The following ZNF516 variants were observed in gnomAD, a reference collection of about 807,000 sequenced individuals.
ZNF516 encodes zinc finger protein 516.
A neutral mutation model predicts 79.7 loss-of-function variants in ZNF516; 19 were observed. The ratio of observed to expected loss-of-function variants is 0.24; its 90% confidence interval spans 0.17 to 0.35. The LOEUF (loss-of-function observed/expected upper bound fraction) is 0.35, where lower values mean the gene tolerates loss of function less well. ZNF516 is among the 10% of genes least tolerant of loss of function. The probability of loss-of-function intolerance (pLI) is 1.00; values close to 1 mark genes in which losing one functional copy is unlikely to be tolerated. For missense variants in ZNF516, 1,678 were observed against 1,679.5 expected (o/e 1.00, Z 0.02); for synonymous variants, 877 against 739.5 (o/e 1.19, Z -3.02).
chr18:76,417,846 T>C (rs1250602622), intron 3 of ZNF516, among the ~76,000 whole-genome samples: 2 of 152,234 alleles, frequency 1.3e-5, no homozygotes, highest in Non-Finnish European at 2.9e-5. Flanking sequence ...AAAAATGATA[T>C]TTAAATATAC....
chr18:76,495,840 A>T (rs187164425), upstream of ZNF516: 2 of 824,546 alleles, frequency 2.4e-6, no homozygotes, highest in Admixed American at 5.2e-5. Flanking sequence ...ACTTCCTGGT[A>T]AATGCCTCTG....
chr18:76,457,136 A>C (rs1229090597), intron 2 of ZNF516, among the ~76,000 whole-genome samples: 2 of 152,246 alleles, frequency 1.3e-5, no homozygotes, highest in Non-Finnish European at 2.9e-5. Flanking sequence ...GTGTGTAGGT[A>C]TATGTTTATT....
At chr18:76,391,817 G>A (rs2075077789) in intron 3 of ZNF516, among the ~76,000 whole-genome samples, 1 of 152,226 alleles carries the variant, frequency 6.6e-6, no homozygotes, top group Non-Finnish European at 1.5e-5. Context: ...CTCATTGTGT[G>A]CTTTGGGGAT....
chr18:76,484,749 CTTTCTT>C (rs1568330709), intron 1 of ZNF516, among the ~76,000 whole-genome samples: 1 of 152,204 alleles, frequency 6.6e-6, no homozygotes, highest in African/African-American at 2.4e-5. Flanking sequence ...ACTGTAATAA[CTTTCTT>C]TTTAATCAAT....
rs138312763 is a variant in ZNF516 at position 76,391,408 on chromosome 18, G to A, written c.1811-11105C>T. Among the ~76,000 whole-genome samples the A allele has an allele frequency of 4.7e-3, 720 of 151,888 alleles. 6 individuals carry two copies. The highest frequency in any genetic ancestry group is 0.015 in the African/African-American group (637 of 41,394). On this transcript the variant is annotated intron_variant, in intron 3 of 6. Coordinates refer to ENST00000443185, the MANE Select transcript of ZNF516 (RefSeq NM_014643.4). ...ACCAACCATAACCCTAAACCTAACC[G>A]CTAACCATAACCACTAACTCTAACA...
At chr18:76,481,459 T>C (rs1286914744) in intron 1 of ZNF516, among the ~76,000 whole-genome samples, 1 of 152,170 alleles carries the variant, frequency 6.6e-6, no homozygotes, top group African/African-American at 2.4e-5. Context: ...TAATCCCAAA[T>C]GGCTCGGACC....
At chr18:76,384,648 G>T (rs1449204087) in intron 3 of ZNF516, among the ~76,000 whole-genome samples, 1 of 148,978 alleles carries the variant, frequency 6.7e-6, no homozygotes, top group Non-Finnish European at 1.5e-5. Context: ...GGCTTTTGAT[G>T]TTTCGGTGGC....
intron 3 of ZNF516, among the ~76,000 whole-genome samples, chr18:76,433,544 C>T (rs766921822): frequency 1.4e-4 from 21 of 152,194 alleles, no homozygotes; most frequent in Non-Finnish European, 2.9e-4. Context: ...CGCGGCTGCA[C>T]GCTCAGGCCT....
intron 1 of ZNF516, among the ~76,000 whole-genome samples, chr18:76,488,480 T>C (rs1004404614): frequency 7.6e-6 from 1 of 131,262 alleles, no homozygotes; most frequent in Non-Finnish European, 1.5e-5. Context: ...CTACGTTCAG[T>C]AGATAGACAA....
In ZNF516 at chr18:76,370,540, G is replaced by A. The variant is rs765139955; in HGVS notation, c.3420C>T (p.Asp1140=). The change falls in exon 6 of 7, where the codon GAC becomes GAT. Residue 1140 remains aspartate (D), a synonymous_variant. Coordinates refer to ENST00000443185, the MANE Select transcript of ZNF516 (RefSeq NM_014643.4). ...TCATGAGACCTACTTGTTTGGGGGCGTCTGCGGAGGTGGTATGAACTTCAG... is the reference window on the plus strand; with the variant it reads ...TCATGAGACCTACTTGTTTGGGGGCATCTGCGGAGGTGGTATGAACTTCAG... ...RGSEVHTTSA[D]APKQGRDHSN... is the part of the protein sequence containing the mutation. The A allele has an allele frequency of 6.7e-5, 107 of 1,607,132 alleles. No homozygotes were observed. Among genetic ancestry groups the A allele is most frequent in the Middle Eastern group, 3.3e-4 (2 of 6,060 alleles).
At chr18:76,378,694 C>T (rs1200948738) in intron 4 of ZNF516, among the ~76,000 whole-genome samples, 161 bp downstream of exon 4, 1 of 152,212 alleles carries the variant, frequency 6.6e-6, no homozygotes, top group African/African-American at 2.4e-5. Context: ...CTGTGCTCCT[C>T]GGCCAGGGCA....
intron 3 of ZNF516, among the ~76,000 whole-genome samples, chr18:76,381,801 C>T (rs2074896952): frequency 6.6e-6 from 1 of 152,188 alleles, no homozygotes; most frequent in South Asian, 2.1e-4. Context: ...GAAGAAAAAA[C>T]TATCCAACTC....
intron 1 of ZNF516, among the ~76,000 whole-genome samples, chr18:76,476,541 T>C (rs1914184690): frequency 6.6e-6 from 1 of 152,206 alleles, no homozygotes; most frequent in Non-Finnish European, 1.5e-5. Context: ...CTGGAATTCC[T>C]CTCATTTAAA....
chr18:76,451,129 G>A lies in ZNF516; in HGVS notation c.-157-7918C>T, dbSNP rs911875647. ...CACCAAGTCCCCACAAGCAGCATGT[G>A]TCAGGGGAGGGAAGCAAAGCTGAAG... On this transcript the variant is annotated intron_variant, in intron 2 of 6. Coordinates refer to ENST00000443185, the MANE Select transcript of ZNF516 (RefSeq NM_014643.4). This position sits in a 1 kb window ranked among gnomAD's most constrained non-coding sequence, Gnocchi z 6.0. 6.6e-6 allele frequency among the ~76,000 whole-genome samples: 1 copy of A among 152,204 alleles called. No homozygotes were observed.
chr18:76,369,097 C>A (rs559567358), intron 6 of ZNF516, among the ~76,000 whole-genome samples: 3 of 152,184 alleles, frequency 2.0e-5, no homozygotes, highest in African/African-American at 7.2e-5. Context: ...TTCTCAATTA[C>A]GGCATGACCT....
At chr18:76,375,310 A>T (rs2074768778) in intron 4 of ZNF516, among the ~76,000 whole-genome samples, 1 of 151,890 alleles carries the variant, frequency 6.6e-6, no homozygotes, top group African/African-American at 2.4e-5. Flanking sequence ...CCAGGTAGAG[A>T]GTGGACAGGG....
In ZNF516 at chr18:76,442,513, C is replaced by T. The variant is rs1239087858; in HGVS notation, c.542G>A (p.Ser181Asn). 4 of 1,601,228 alleles carry T rather than the reference C, an allele frequency of 2.5e-6. No individual in the cohort carries two copies. Among genetic ancestry groups the T allele is most frequent in the African/African-American group, 2.7e-5 (2 of 74,924 alleles). ...KAAVQCSFCKSQFERKKDLEL... is the reference protein window; with the variant it reads ...KAAVQCSFCKNQFERKKDLEL... ...CAGGTCCTTCTTACGCTCGAACTGG[C>T]TCTTGCAGAAGGAGCACTGGACCGC... is the stretch of plus-strand genomic sequence containing the variant. The change falls in exon 3 of 7, where the codon AGC becomes AAC. Residue 181 changes from serine to asparagine, a missense_variant. By Grantham distance (46) the Ser-to-Asn change is conservative (BLOSUM62 1). This residue lies in a region of ZNF516 where 279 missense variants were observed against 254.1 expected (regional missense o/e 1.10). Transcript: ENST00000443185.
chr18:76,447,953 T>C (rs1026087517), intron 2 of ZNF516, among the ~76,000 whole-genome samples: 2 of 152,244 alleles, frequency 1.3e-5, no homozygotes, highest in African/African-American at 4.8e-5. Flanking sequence ...AAGGCCACTT[T>C]TTTTAAATGC....
At chr18:76,440,316 C>T (rs1201300429) in intron 3 of ZNF516, among the ~76,000 whole-genome samples, 1 of 152,230 alleles carries the variant, frequency 6.6e-6, no homozygotes. Flanking sequence ...CAGTCATCTT[C>T]TTCACCACAG....
Sources: gnomAD v4.1 joint callset for allele counts (sites outside exome capture counted in the v4.1 genomes callset) on GRCh38, gnomAD v4.1.1 for gene constraint, gnomAD v4.1.1 regional missense constraint, Gnocchi (gnomAD v3.1) non-coding constraint, MANE v1.5 for transcripts, NCBI Gene and HGNC (gene_info 2026-07-23, HGNC 2026-07-21) for gene names.